The following PTDSS1 variants were observed in gnomAD, a reference collection of about 807,000 sequenced individuals.
PTDSS1 encodes the protein PSS-1.
In PTDSS1, 45 loss-of-function variants were observed where a neutral mutation model predicts 70.5. That is an observed-to-expected ratio of 0.64 (90% CI 0.50 to 0.82). The LOEUF (loss-of-function observed/expected upper bound fraction) is 0.82. Ranked by LOEUF, PTDSS1 falls within the 40% of genes least tolerant of loss-of-function variation. The pLI is 0.00. For synonymous variants in PTDSS1, 188 were observed against 203.8 expected, an observed-to-expected ratio of 0.92 and a Z score of 0.66; for missense variants, 417 against 586.1, an observed-to-expected ratio of 0.71 and a Z score of 2.98.
intron 2 of PTDSS1, among the ~76,000 whole-genome samples, chr8:96,277,084 G>A (rs1810659443): frequency 6.6e-6 from 1 of 152,148 alleles, no homozygotes; most frequent in South Asian, 2.1e-4. Context: ...TAAACAAGGA[G>A]GATGGCAGTT....
chr8:96,266,935 G>A (rs2129987087), intron 1 of PTDSS1, among the ~76,000 whole-genome samples: 1 of 152,288 alleles, frequency 6.6e-6, no homozygotes, highest in South Asian at 2.1e-4. Flanking sequence ...GTCTACTGCA[G>A]TGAATGGGCA....
chr8:96,304,222 A>G, intron 7 of PTDSS1, 41 bp downstream of exon 7: 1 of 1,574,114 alleles, frequency 6.4e-7, no homozygotes, highest in Non-Finnish European at 8.6e-7. Context: ...GAAAACAAAA[A>G]CTAAAATAAA....
At chr8:96,267,456 G>T (rs1810504149) in intron 1 of PTDSS1, among the ~76,000 whole-genome samples, 1 of 152,118 alleles carries the variant, frequency 6.6e-6, no homozygotes, top group Non-Finnish European at 1.5e-5. Context: ...TCAGGCCCTG[G>T]CTTCCCCTCC....
chr8:96,317,802 A>C (rs917884364), intron 9 of PTDSS1, among the ~76,000 whole-genome samples: 2 of 151,926 alleles, frequency 1.3e-5, no homozygotes, highest in Non-Finnish European at 2.9e-5. Context: ...GGTTCTGGCC[A>C]GTATTTTCTT....
Position 96,304,025 on chromosome 8 carries a change from A to G in PTDSS1, c.753-15A>G, listed in dbSNP as rs569174765. ...TTATCTCTGGATTTTCACTGGAGCC[A>G]TTCTCTTCTTACAGGGACATTCATA... is the stretch of plus-strand genomic sequence containing the variant. On this transcript the variant is annotated splice_polypyrimidine_tract_variant and intron_variant, in intron 6 of 12. Transcript: ENST00000517309. The G allele has an allele frequency of 3.1e-5, 50 of 1,596,088 alleles. No homozygotes were observed. The East Asian group carries it at 1.1e-3, about 34-fold the overall frequency.
intron 4 of PTDSS1, among the ~76,000 whole-genome samples, chr8:96,293,215 C>T (rs1810931474): frequency 6.6e-6 from 1 of 152,218 alleles, no homozygotes; most frequent in African/African-American, 2.4e-5. Flanking sequence ...ATGCCTGACA[C>T]ATTCCACAGT....
chr8:96,330,367 A>T (rs1234007223), intron 11 of PTDSS1, 86 bp downstream of exon 11: 2 of 1,334,676 alleles, frequency 1.5e-6, no homozygotes, highest in Non-Finnish European at 2.1e-6. Context: ...GCCTGTAAGG[A>T]TATGGCGAGG....
At chr8:96,291,229 T>G (rs1810898387) in intron 4 of PTDSS1, among the ~76,000 whole-genome samples, 2 of 152,024 alleles carry the variant, frequency 1.3e-5, no homozygotes, top group African/African-American at 4.8e-5. Context: ...AAACAAATAA[T>G]TGTTGGCTAT....
rs73277954 is a variant in PTDSS1 at position 96,317,790 on chromosome 8, T to C, written c.1074-2456T>C. Among the ~76,000 whole-genome samples the C allele has an allele frequency of 3.7e-3, 557 of 152,036 alleles. 3 individuals are homozygous for C. The highest frequency in any genetic ancestry group is 0.012 in the African/African-American group (505 of 41,444). On this transcript the variant is annotated intron_variant, in intron 9 of 12. Coordinates refer to ENST00000517309, the MANE Select transcript of PTDSS1 (RefSeq NM_014754.3). ...TTTAGGTCATTATGAAGCCAGTGATTGGGTTCTGGCCAGTATTTTCTTAAA... is the reference window on the plus strand; with the variant it reads ...TTTAGGTCATTATGAAGCCAGTGATCGGGTTCTGGCCAGTATTTTCTTAAA...
At chr8:96,320,450 A>G in intron 10 of PTDSS1, 105 bp downstream of exon 10, 1 of 991,454 alleles carries the variant, frequency 1.0e-6, no homozygotes, top group Non-Finnish European at 1.5e-6. Context: ...TTCCTTAGAA[A>G]TTCATAAAAA....
chr8:96,328,735 G>A (rs1811473172), intron 10 of PTDSS1, among the ~76,000 whole-genome samples: 1 of 152,188 alleles, frequency 6.6e-6, no homozygotes, highest in Non-Finnish European at 1.5e-5. Context: ...AAATGTCGCT[G>A]ATAAAGGAAC....
At position 96,333,468 on chromosome 8, in the gene PTDSS1, A is replaced by G; in HGVS notation, c.1324A>G (p.Ser442Gly). 6.2e-7 allele frequency: 1 copy of G among 1,613,628 alleles called. No individual in the cohort carries two copies. Among genetic ancestry groups the G allele is most frequent in the Non-Finnish European group, 8.5e-7 (1 of 1,179,532 alleles). ...ATTCCTTTGGCCAGGTTCTGAAGAC[A>G]GCCCACCCAAGCATGCAGGCAACAA... The part of the protein sequence containing the change: ...HRKGTKGSED[S>G]PPKHAGNNES... Residue 442 changes from serine to glycine, a missense_variant, in exon 13 of 13, where the codon AGC becomes GGC. Around this residue, in one of 3 missense-constraint regions of PTDSS1, gnomAD observed 107 missense variants for 122.3 expected, o/e 0.88. Transcript: ENST00000517309.
chr8:96,262,290 A>AGGGGGGGGGTGGGGGGGGGGGGGGGG lies in PTDSS1; in HGVS notation c.179+77_179+78insGGGTGGGGGGGGGGGGGGGGGGGGGG. On this transcript the variant is annotated intron_variant, in intron 1 of 12. Transcript: ENST00000517309. This position sits in a 1 kb window ranked among gnomAD's most constrained non-coding sequence, Gnocchi z 4.4. ...AGAGGCGGGAGGGAGGGTGGCGGGGAGGGGGGCCCGGCATGGCTCTGGGTG... is the reference window on the plus strand; with the variant it reads ...AGAGGCGGGAGGGAGGGTGGCGGGGAGGGGGGGGGTGGGGGGGGGGGGGGGGGGGGGGCCCGGCATGGCTCTGGGTG... 1 of 387,408 alleles carries AGGGGGGGGGTGGGGGGGGGGGGGGGG rather than the reference A, an allele frequency of 2.6e-6. No homozygotes were observed. The highest frequency in any genetic ancestry group is 5.0e-6 in the Non-Finnish European group (1 of 201,922). The allele number at this position is 387,408 out of a possible 1,614,324, so 24.0% of individuals were successfully genotyped here. A position where few individuals can be genotyped will look rare whatever the true frequency, so the allele number is the denominator to read the frequency against.
At chr8:96,286,450 G>A (rs1810823720) in intron 3 of PTDSS1, among the ~76,000 whole-genome samples, 1 of 152,154 alleles carries the variant, frequency 6.6e-6, no homozygotes, top group African/African-American at 2.4e-5. Flanking sequence ...GTGGCCCTGG[G>A]CCACCTCTTG....
intron 9 of PTDSS1, among the ~76,000 whole-genome samples, chr8:96,315,610 C>G (rs772421769): frequency 1.8e-4 from 28 of 152,186 alleles, no homozygotes; most frequent in Non-Finnish European, 3.8e-4. Context: ...CATTGTGGAA[C>G]TGGCTCCACA....
intron 6 of PTDSS1, among the ~76,000 whole-genome samples, chr8:96,302,693 T>C (rs1326968192): frequency 2.6e-5 from 4 of 152,154 alleles, no homozygotes; most frequent in Non-Finnish European, 5.9e-5. Flanking sequence ...GTGATTCTCC[T>C]GCCTCAGCCT....
chr8:96,316,691 T>A (rs997161760), intron 9 of PTDSS1, among the ~76,000 whole-genome samples: 7 of 152,026 alleles, frequency 4.6e-5, no homozygotes, highest in Admixed American at 2.6e-4. Context: ...AAAAAAATTT[T>A]AAAAAAACAT....
chr8:96,266,441 C>T (rs1344063301), intron 1 of PTDSS1, among the ~76,000 whole-genome samples: 1 of 152,142 alleles, frequency 6.6e-6, no homozygotes, highest in Non-Finnish European at 1.5e-5. Context: ...CTTTGGAACT[C>T]CAGTTCACCG....
Position 96,301,672 on chromosome 8 carries a change from G to A in PTDSS1, c.752+1827G>A, listed in dbSNP as rs752836688. Among the ~76,000 whole-genome samples, 38 of 151,230 alleles carry A rather than the reference G, an allele frequency of 2.5e-4. 1 individual carries two copies. The highest frequency in any genetic ancestry group is 1.8e-3 in the Admixed American group (28 of 15,190). On this transcript the variant is annotated intron_variant, in intron 6 of 12. Transcript: ENST00000517309. ...GTAGCTGGGATTAGCCACCACGCCC[G>A]GCTAACTTTTTTTTTTGTATTTTAG...
Sources: allele counts gnomAD v4.1 joint callset (sites outside exome capture counted in the v4.1 genomes callset), GRCh38; gene constraint gnomAD v4.1.1; regional missense constraint gnomAD v4.1.1; non-coding constraint Gnocchi (gnomAD v3.1); transcripts MANE v1.5; gene names NCBI Gene and HGNC (gene_info 2026-07-23, HGNC 2026-07-21).